The following EXOC4 variants were observed in gnomAD, a reference collection of about 807,000 sequenced individuals.
The protein encoded by EXOC4 is exocyst complex component 4, also known as SEC8-like 1.
In EXOC4, 71 loss-of-function variants were observed where a neutral mutation model predicts 107.2. The observed-to-expected ratio is 0.66, with a 90% CI of 0.55 to 0.81. The LOEUF is 0.81. Among genes scored for constraint, EXOC4 ranks in the 30% least tolerant of loss-of-function variants. The pLI is 0.00. For missense variants in EXOC4, 1,108 were observed against 1,189.6 expected (o/e 0.93, Z 1.01); for synonymous variants, 456 against 441.2 (o/e 1.03, Z -0.42).
At chr7:133,415,248 A>C (rs1199825717) in intron 7 of EXOC4, among the ~76,000 whole-genome samples, 1 of 152,122 alleles carries the variant, frequency 6.6e-6, no homozygotes, top group Admixed American at 6.6e-5. Context: ...TTTATGTTTA[A>C]GTTTTTGTGT....
chr7:133,442,588 G>T (rs1195665677), intron 7 of EXOC4, among the ~76,000 whole-genome samples: 1 of 152,050 alleles, frequency 6.6e-6, no homozygotes, highest in African/African-American at 2.4e-5. Flanking sequence ...AAGAGCTTGT[G>T]GGGTGGTATT....
chr7:133,687,969 A>T (rs1794342278), intron 10 of EXOC4, among the ~76,000 whole-genome samples: 2 of 152,230 alleles, frequency 1.3e-5, no homozygotes, highest in Admixed American at 6.5e-5. Flanking sequence ...AACTGTGTGT[A>T]TACAGGCATG....
intron 17 of EXOC4, among the ~76,000 whole-genome samples, chr7:134,014,923 T>C (rs1452686993): frequency 6.6e-5 from 10 of 152,244 alleles, no homozygotes; most frequent in Admixed American, 6.5e-4. Flanking sequence ...GCTCATTTTT[T>C]AGTTTCCCTA....
At chr7:133,357,361 C>T (rs1563033497) in intron 6 of EXOC4, among the ~76,000 whole-genome samples, 1 of 152,216 alleles carries the variant, frequency 6.6e-6, no homozygotes, top group African/African-American at 2.4e-5. Context: ...GTGTTGAATA[C>T]TAGTCCATTT....
intron 6 of EXOC4, among the ~76,000 whole-genome samples, chr7:133,365,192 A>G (rs926031609): frequency 3.3e-5 from 5 of 152,188 alleles, no homozygotes; most frequent in Admixed American, 6.5e-5. Flanking sequence ...ACTAGGAACA[A>G]TATAGTACTA....
chr7:133,855,130 T>TATATATATATATAA (rs1798342776), intron 11 of EXOC4, among the ~76,000 whole-genome samples: 1 of 105,966 alleles, frequency 9.4e-6, no homozygotes, highest in Non-Finnish European at 1.9e-5. Context: ...TATATATAAA[T>TATATATATATATAA]ATATATATAT....
intron 13 of EXOC4, among the ~76,000 whole-genome samples, chr7:133,934,969 C>T (rs1800264702): frequency 6.7e-6 from 1 of 148,692 alleles, no homozygotes; most frequent in South Asian, 2.2e-4. Context: ...ATAAATGAGT[C>T]AGCTAGAAAT....
chr7:133,585,099 G>A (rs1801370990), intron 9 of EXOC4, among the ~76,000 whole-genome samples: 2 of 152,058 alleles, frequency 1.3e-5, no homozygotes, highest in African/African-American at 4.8e-5. Context: ...GAATTTTTAT[G>A]TCTGCCTTTT....
intron 10 of EXOC4, among the ~76,000 whole-genome samples, chr7:133,717,097 G>A (rs73724720): frequency 0.017 from 2,592 of 151,960 alleles, 70 homozygotes; most frequent in African/African-American, 0.059. Context: ...TTGGTATCCC[G>A]AATAGATTCC....
intron 10 of EXOC4, among the ~76,000 whole-genome samples, chr7:133,705,688 C>T (rs766578200): frequency 3.9e-5 from 6 of 152,138 alleles, no homozygotes; most frequent in African/African-American, 7.2e-5. Context: ...CTGCAATACC[C>T]GTCTGAGAGT....
At chr7:134,080,933 C>G in the EXOC4 span, among the ~76,000 whole-genome samples, 2 of 152,062 alleles carry the variant, frequency 1.3e-5, no homozygotes, top group Non-Finnish European at 2.9e-5. Flanking sequence ...AAATGAGACC[C>G]TGTCTCTAAA....
chr7:133,686,497 C>G (rs1270302484), intron 10 of EXOC4, among the ~76,000 whole-genome samples: 1 of 152,074 alleles, frequency 6.6e-6, no homozygotes, highest in African/African-American at 2.4e-5. Context: ...GTCTGACGTC[C>G]TTCCTCAGGA....
At chr7:133,805,664 G>A (rs1322092043) in intron 10 of EXOC4, among the ~76,000 whole-genome samples, 1 of 152,170 alleles carries the variant, frequency 6.6e-6, no homozygotes, top group African/African-American at 2.4e-5. Context: ...ACAAGTGACA[G>A]TCAGGAAGGA....
At chr7:133,288,462 A>ACT (rs1213391477) in intron 2 of EXOC4, among the ~76,000 whole-genome samples, 2 of 152,010 alleles carry the variant, frequency 1.3e-5, no homozygotes, top group East Asian at 3.9e-4. Flanking sequence ...TAGGTTGAGC[A>ACT]CTCTGTTTCT....
At chr7:133,569,618 TA>T (rs1800976835) in intron 9 of EXOC4, among the ~76,000 whole-genome samples, 1 of 152,174 alleles carries the variant, frequency 6.6e-6, no homozygotes, top group Admixed American at 6.5e-5. Flanking sequence ...ATGTGTGGAT[TA>T]TATTTCAAAT....
chr7:133,619,856 T>A (rs1412489780), intron 9 of EXOC4, among the ~76,000 whole-genome samples: 1 of 152,182 alleles, frequency 6.6e-6, no homozygotes, highest in Non-Finnish European at 1.5e-5. Context: ...TGTCTGGTAA[T>A]GCCTTCTCAA....
intron 7 of EXOC4, among the ~76,000 whole-genome samples, chr7:133,415,354 A>C (rs1797451585): frequency 6.9e-6 from 1 of 145,518 alleles, no homozygotes; most frequent in African/African-American, 2.5e-5. Context: ...TGTTTTCTAA[A>C]GTGGCTGCAT....
intron 12 of EXOC4, among the ~76,000 whole-genome samples, chr7:133,903,032 G>T (rs528120387): frequency 5.3e-5 from 8 of 152,308 alleles, no homozygotes; most frequent in Non-Finnish European, 8.8e-5. Context: ...GGAGTTGAAA[G>T]AGTTTGACCA....
At chr7:133,365,614 A>G (rs1161427944) in intron 6 of EXOC4, among the ~76,000 whole-genome samples, 2 of 152,166 alleles carry the variant, frequency 1.3e-5, no homozygotes, top group African/African-American at 2.4e-5. Flanking sequence ...CATAGAGCAG[A>G]TGGAGAATTA....
Sources: gnomAD v4.1 joint callset for allele counts (sites outside exome capture counted in the v4.1 genomes callset) on GRCh38, gnomAD v4.1.1 for gene constraint, MANE v1.5 for transcripts, NCBI Gene and HGNC (gene_info 2026-07-23, HGNC 2026-07-21) for gene names.